Variants in CWC27 observed in about 807,000 individuals in gnomAD.
The protein encoded by CWC27 is spliceosome-associated protein CWC27 homolog.
CWC27 carries 47 observed loss-of-function variants against 63.6 expected under a neutral mutation model. The ratio of observed to expected loss-of-function variants is 0.74; its 90% confidence interval spans 0.58 to 0.94. The LOEUF (loss-of-function observed/expected upper bound fraction) is 0.94, where lower values mean the gene tolerates loss of function less well. CWC27 is among the 40% of genes least tolerant of loss of function. The probability of loss-of-function intolerance (pLI) is 0.00; values close to 1 mark genes in which losing one functional copy is unlikely to be tolerated. For missense variants in CWC27, 495 were observed against 554.3 expected (o/e 0.89, Z 1.07); for synonymous variants, 175 against 179.8 (o/e 0.97, Z 0.22).
intron 11 of CWC27, among the ~76,000 whole-genome samples, chr5:64,959,794 GATCT>G (rs1412583639): frequency 6.6e-6 from 1 of 152,136 alleles, no homozygotes; most frequent in Non-Finnish European, 1.5e-5. Context: ...ACCTAAAAAT[GATCT>G]ATCTGTTTAT....
chr5:64,938,238 G>A (rs1246030988), intron 11 of CWC27, among the ~76,000 whole-genome samples: 1 of 152,196 alleles, frequency 6.6e-6, no homozygotes, highest in Non-Finnish European at 1.5e-5. Flanking sequence ...TGCAGTGGCT[G>A]ATACCGGTTT....
intron 10 of CWC27, among the ~76,000 whole-genome samples, chr5:64,844,043 A>C (rs1340240366): frequency 6.6e-6 from 1 of 152,180 alleles, no homozygotes; most frequent in Non-Finnish European, 1.5e-5. Flanking sequence ...TAACTGAATA[A>C]AACCTGAATT....
At chr5:64,819,792 A>T (rs1745144492) in intron 10 of CWC27, among the ~76,000 whole-genome samples, 1 of 152,192 alleles carries the variant, frequency 6.6e-6, no homozygotes, top group African/African-American at 2.4e-5. Context: ...ATGGCCTGCA[A>T]CACAAACTGA....
intron 10 of CWC27, among the ~76,000 whole-genome samples, chr5:64,810,033 C>T (rs955397277): frequency 1.3e-5 from 2 of 151,902 alleles, no homozygotes; most frequent in Non-Finnish European, 2.9e-5. Context: ...AGTTTCAGGC[C>T]TTATCCGTAA....
chr5:64,840,387 AAAAAAAAATATATATATAT>A (rs1202149796), intron 10 of CWC27, among the ~76,000 whole-genome samples: 2 of 52,930 alleles, frequency 3.8e-5, no homozygotes, highest in Non-Finnish European at 7.3e-5. Context: ...AAAAAAAAAA[AAAAAAAAATATATATATAT>A]ATATATATAT....
At chr5:64,879,510 A>C (rs1211490318) in intron 10 of CWC27, among the ~76,000 whole-genome samples, 1 of 152,062 alleles carries the variant, frequency 6.6e-6, no homozygotes, top group Non-Finnish European at 1.5e-5. Flanking sequence ...CAGAGAAAGA[A>C]TATCAAAGAG....
intron 10 of CWC27, among the ~76,000 whole-genome samples, chr5:64,815,571 CAG>C (rs1745002458): frequency 6.6e-6 from 1 of 152,146 alleles, no homozygotes; most frequent in Non-Finnish European, 1.5e-5. Context: ...ACGATTTAAA[CAG>C]AAATTGCTGT....
At chr5:65,006,166 A>G (rs1049864159) in intron 13 of CWC27, among the ~76,000 whole-genome samples, 1 of 152,230 alleles carries the variant, frequency 6.6e-6, no homozygotes, top group Non-Finnish European at 1.5e-5. Context: ...TTGTTTTTCA[A>G]TAGCTGCAAA....
At chr5:64,902,365 A>G (rs536279560) in intron 11 of CWC27, among the ~76,000 whole-genome samples, 50 of 152,206 alleles carry the variant, frequency 3.3e-4, no homozygotes, top group Non-Finnish European at 5.1e-4. Flanking sequence ...TTTGCAGTCC[A>G]TTAGTTACTG....
At chr5:64,947,327 AT>A (rs1297634757) in intron 11 of CWC27, among the ~76,000 whole-genome samples, 1 of 152,114 alleles carries the variant, frequency 6.6e-6, no homozygotes, top group Non-Finnish European at 1.5e-5. Flanking sequence ...GGCTAATAGC[AT>A]TCTTATTGCT....
At chr5:64,815,704 T>C (rs1745005907) in intron 10 of CWC27, among the ~76,000 whole-genome samples, 1 of 152,142 alleles carries the variant, frequency 6.6e-6, no homozygotes, top group Non-Finnish European at 1.5e-5. Flanking sequence ...AAAAACTATA[T>C]ATCAATTCCT....
chr5:64,906,205 T>TTG (rs1747636993), intron 11 of CWC27, among the ~76,000 whole-genome samples: 2 of 152,218 alleles, frequency 1.3e-5, no homozygotes, highest in Non-Finnish European at 2.9e-5. Context: ...AGTAATGGAA[T>TTG]CAGTGGGTCA....
intron 10 of CWC27, among the ~76,000 whole-genome samples, chr5:64,878,896 A>G (rs1157209412): frequency 1.3e-5 from 2 of 151,942 alleles, no homozygotes; most frequent in African/African-American, 4.8e-5. Context: ...TACTTAAGAA[A>G]GAAATTAGTG....
chr5:64,967,379 C>A (rs895263341), intron 11 of CWC27, among the ~76,000 whole-genome samples: 3 of 151,912 alleles, frequency 2.0e-5, no homozygotes, highest in Admixed American at 2.0e-4. Context: ...TTCAATGCAG[C>A]TACTGTCAAA....
At chr5:64,923,692 A>G (rs1334238962) in intron 11 of CWC27, among the ~76,000 whole-genome samples, 1 of 150,384 alleles carries the variant, frequency 6.6e-6, no homozygotes, top group Non-Finnish European at 1.5e-5. Context: ...ATATTGATTT[A>G]CTGAGTTTTG....
At chr5:64,779,512 T>C (rs995795349) in intron 2 of CWC27, among the ~76,000 whole-genome samples, 2 of 152,218 alleles carry the variant, frequency 1.3e-5, no homozygotes, top group Non-Finnish European at 2.9e-5. Context: ...ACGGATTTTT[T>C]GAAAAAACTG....
At chr5:64,865,315 G>T (rs1241039338) in intron 10 of CWC27, among the ~76,000 whole-genome samples, 1 of 151,974 alleles carries the variant, frequency 6.6e-6, no homozygotes, top group Admixed American at 6.6e-5. Flanking sequence ...AGCCCAAATG[G>T]CCCACTTCTC....
At chr5:64,951,653 C>T (rs1462609251) in intron 11 of CWC27, among the ~76,000 whole-genome samples, 3 of 151,866 alleles carry the variant, frequency 2.0e-5, no homozygotes, top group East Asian at 1.9e-4. Context: ...AGCCTCAGCC[C>T]CCACTTCCCC....
chr5:64,833,273 C>T (rs888134011), intron 10 of CWC27, among the ~76,000 whole-genome samples: 1 of 151,182 alleles, frequency 6.6e-6, no homozygotes, highest in African/African-American at 2.5e-5. Flanking sequence ...TAAACCAGAA[C>T]AGATAAATGA....
Sources: gnomAD v4.1 joint callset for allele counts (sites outside exome capture counted in the v4.1 genomes callset) on GRCh38, gnomAD v4.1.1 for gene constraint, MANE v1.5 for transcripts, NCBI Gene and HGNC (gene_info 2026-07-23, HGNC 2026-07-21) for gene names.